The following TANGO6 variants were observed in gnomAD, a reference collection of about 807,000 sequenced individuals.
TANGO6 encodes transport and Golgi organization protein 6 homolog.
TANGO6 carries 90 observed loss-of-function variants against 114.2 expected under a neutral mutation model. The ratio of observed to expected loss-of-function variants is 0.79; its 90% CI spans 0.66 to 0.94. TANGO6 has a LOEUF of 0.94. Ranked by LOEUF, TANGO6 falls within the 40% of genes least tolerant of loss-of-function variation. The pLI is 0.00. For missense variants in TANGO6, 1,274 were observed against 1,315.3 expected, an observed-to-expected ratio of 0.97 and a Z score of 0.49; for synonymous variants, 477 against 509.8, an observed-to-expected ratio of 0.94 and a Z score of 0.87.
chr16:68,981,746 A>G (rs987150418), intron 15 of TANGO6, among the ~76,000 whole-genome samples: 9 of 152,168 alleles, frequency 5.9e-5, no homozygotes, highest in Admixed American at 4.6e-4. Context: ...CATATGCCTG[A>G]TGCCTGATTT....
intron 14 of TANGO6, among the ~76,000 whole-genome samples, chr16:68,942,336 G>A (rs1025783142): frequency 2.0e-5 from 3 of 151,450 alleles, no homozygotes; most frequent in African/African-American, 7.3e-5. Context: ...AAAAAAAAAA[G>A]TTACATGGAT....
intron 1 of TANGO6, chr16:68,846,907 T>G (rs1008159996): frequency 6.7e-6 from 1 of 149,690 alleles, no homozygotes; most frequent in Non-Finnish European, 1.5e-5. Context: ...TTTTTTTTTT[T>G]GTGGCGGAGT....
intron 1 of TANGO6, 109 bp from the exon 2 acceptor site, chr16:68,859,775 A>G: frequency 7.8e-7 from 1 of 1,277,378 alleles, no homozygotes; most frequent in Non-Finnish European, 1.0e-6. Flanking sequence ...AGCCAGTGAC[A>G]GTGGCGCCCG....
intron 13 of TANGO6, 74 bp downstream of exon 13, chr16:68,928,157 T>C (rs1282139576): frequency 1.4e-6 from 2 of 1,452,198 alleles, no homozygotes; most frequent in Non-Finnish European, 1.8e-6. Flanking sequence ...TTTTGGAGCC[T>C]GGACTATGTG....
At chr16:68,911,831 C>T (rs572683965) in intron 11 of TANGO6, among the ~76,000 whole-genome samples, 1 of 152,308 alleles carries the variant, frequency 6.6e-6, no homozygotes, top group East Asian at 1.9e-4. Flanking sequence ...CTCAAGGCAT[C>T]TTGTTGTGCT....
At chr16:69,063,781 T>TTTCTTCTTCTTCTTCTTCTTCTTCTTC (rs575958202) in intron 17 of TANGO6, among the ~76,000 whole-genome samples, 74 of 115,434 alleles carry the variant, frequency 6.4e-4, no homozygotes, top group African/African-American at 2.4e-3. Flanking sequence ...TAGCCATACT[T>TTTCTTCTTCTTCTTCTTCTTCTTCTTC]TTCTTCTTCT....
rs551883294 is a variant in TANGO6 at position 68,856,339 on chromosome 16, T to C, written c.95-3545T>C. 2.6e-5 allele frequency among the ~76,000 whole-genome samples: 4 copies of C among 152,336 alleles called. No individual in the cohort carries two copies. In the East Asian group the frequency reaches 7.7e-4, roughly 29 times the overall value. ...TGTCAAATGCTTTTTCTGCGTTTGT[T>C]GAAATGATCACGTGGGTTTTCTCCT... On this transcript the variant is annotated intron_variant, in intron 1 of 17. Coordinates refer to ENST00000261778, the MANE Select transcript of TANGO6 (RefSeq NM_024562.2).
At chr16:68,964,032 A>G (rs1354958604) in intron 14 of TANGO6, among the ~76,000 whole-genome samples, 3 of 152,016 alleles carry the variant, frequency 2.0e-5, no homozygotes, top group South Asian at 2.1e-4. Flanking sequence ...TCAAAGTAGA[A>G]CAGCTGACTA....
intron 15 of TANGO6, among the ~76,000 whole-genome samples, chr16:68,986,734 G>T (rs1963895251): frequency 6.6e-6 from 1 of 152,034 alleles, no homozygotes; most frequent in African/African-American, 2.4e-5. Flanking sequence ...GTGAAACCCG[G>T]TCTCTACTAG....
chr16:69,068,979 A>C (rs1028980652), intron 17 of TANGO6, among the ~76,000 whole-genome samples: 4 of 152,198 alleles, frequency 2.6e-5, no homozygotes, highest in Admixed American at 1.3e-4. Context: ...AGCCTGCCAC[A>C]GTGCTGGGAT....
At chr16:69,036,468 G>A (rs1177673010) in intron 16 of TANGO6, among the ~76,000 whole-genome samples, 1 of 152,164 alleles carries the variant, frequency 6.6e-6, no homozygotes, top group Admixed American at 6.5e-5. Flanking sequence ...AGGGGTTGAG[G>A]AAGTTTCCCA....
intron 15 of TANGO6, among the ~76,000 whole-genome samples, chr16:68,976,140 C>A (rs920108512): frequency 3.3e-5 from 5 of 152,006 alleles, no homozygotes; most frequent in African/African-American, 4.8e-5. Flanking sequence ...TACCATGTTG[C>A]CCAGCCTGGT....
chr16:69,019,470 G>A (rs1003783928), intron 15 of TANGO6, among the ~76,000 whole-genome samples: 7 of 152,104 alleles, frequency 4.6e-5, no homozygotes, highest in Non-Finnish European at 1.0e-4. Flanking sequence ...TTCTTATACT[G>A]TATGGAAGGT....
intron 12 of TANGO6, among the ~76,000 whole-genome samples, chr16:68,921,372 C>T (rs1471654678): frequency 2.0e-5 from 3 of 151,370 alleles, no homozygotes; most frequent in African/African-American, 7.3e-5. Context: ...ATAGTAGAGA[C>T]AGGGTTTTGC....
chr16:68,937,794 C>G (rs1963314459), intron 14 of TANGO6: 1 of 152,116 alleles, frequency 6.6e-6, no homozygotes, highest in East Asian at 1.9e-4. Context: ...AATTGGTGGA[C>G]AACTGGTTTG....
intron 13 of TANGO6, among the ~76,000 whole-genome samples, chr16:68,928,298 A>ATTTT (rs10701295): frequency 0.034 from 3,365 of 98,588 alleles, 155 homozygotes; most frequent in Middle Eastern, 0.045. Context: ...CTGAGTGCCA[A>ATTTT]TTTTTTTTTT....
chr16:69,066,474 T>C (rs530237303), intron 17 of TANGO6, among the ~76,000 whole-genome samples: 51 of 152,086 alleles, frequency 3.4e-4, no homozygotes, highest in East Asian at 7.8e-4. Context: ...TTTTTGTATT[T>C]TTAGTAGAGA....
At chr16:69,034,797 A>G (rs1256595050) in intron 16 of TANGO6, 1 of 151,878 alleles carries the variant, frequency 6.6e-6, no homozygotes, top group African/African-American at 2.4e-5. Flanking sequence ...CAGTCACTGT[A>G]CTGGGAATTC....
At chr16:69,044,221 C>T (rs1024296916) in intron 17 of TANGO6, among the ~76,000 whole-genome samples, 7 of 152,158 alleles carry the variant, frequency 4.6e-5, no homozygotes, top group African/African-American at 1.4e-4. Context: ...TGCACCATCA[C>T]GCTCAGCTAA....
Sources: allele counts gnomAD v4.1 joint callset (sites outside exome capture counted in the v4.1 genomes callset), GRCh38; gene constraint gnomAD v4.1.1; transcripts MANE v1.5; gene names NCBI Gene and HGNC (gene_info 2026-07-23, HGNC 2026-07-21).